The following ZNF610 variants were observed in gnomAD, a reference collection of about 807,000 sequenced individuals.
ZNF610 encodes zinc finger protein 610, also known as zink finger protein.
In ZNF610, 14 loss-of-function variants were observed where a neutral mutation model predicts 14.1. The ratio of observed to expected loss-of-function variants is 0.99; its 90% CI spans 0.65 to 1.55. The LOEUF (loss-of-function observed/expected upper bound fraction) is 1.55, where lower values mean the gene tolerates loss of function less well. Among genes scored for constraint, ZNF610 ranks in the 40% most tolerant of loss-of-function variants. The pLI, the probability that ZNF610 is intolerant of heterozygous loss-of-function variation, is 0.00. For synonymous variants in ZNF610, 185 were observed against 187.6 expected, an observed-to-expected ratio of 0.99 and a Z score of 0.11; for missense variants, 530 against 558.0, an observed-to-expected ratio of 0.95 and a Z score of 0.51.
intron 3 of ZNF610, among the ~76,000 whole-genome samples, chr19:52,352,864 A>C (rs1334521589): frequency 6.6e-6 from 1 of 151,710 alleles, no homozygotes; most frequent in East Asian, 1.9e-4. Context: ...TTCCAATTTC[A>C]TTCTTGGCCT....
intron 5 of ZNF610, 70 bp from the exon 6 acceptor site, chr19:52,365,628 C>A (rs1449475707): frequency 7.2e-7 from 1 of 1,389,184 alleles, no homozygotes; most frequent in Non-Finnish European, 9.8e-7. Flanking sequence ...GAGGCTGATT[C>A]TGGTCCCTCC....
At chr19:52,361,105 T>C (rs1169807661) in intron 5 of ZNF610, among the ~76,000 whole-genome samples, 2 of 152,200 alleles carry the variant, frequency 1.3e-5, no homozygotes, top group African/African-American at 4.8e-5. Flanking sequence ...TACTTCTTCA[T>C]GAGTAAGTCT....
intron 1 of ZNF610, among the ~76,000 whole-genome samples, chr19:52,339,717 C>T (rs547432739): frequency 5.0e-4 from 76 of 152,266 alleles, no homozygotes; most frequent in African/African-American, 1.7e-3. Context: ...TCTGATTTCT[C>T]TTTCTTATCC....
chr19:52,338,133 A>T (rs1366942454), intron 1 of ZNF610, among the ~76,000 whole-genome samples: 2 of 152,230 alleles, frequency 1.3e-5, no homozygotes, highest in African/African-American at 2.4e-5. Context: ...CTACAGGTTG[A>T]GAGCTCAGTT....
chr19:52,341,784 G>T (rs1038723305), intron 1 of ZNF610, among the ~76,000 whole-genome samples: 5 of 151,876 alleles, frequency 3.3e-5, no homozygotes, highest in African/African-American at 1.2e-4. Context: ...GCACCACTAT[G>T]CCTGGCTAAT....
Position 52,366,506 on chromosome 19 carries a change from A to G in ZNF610, c.1128A>G (p.Glu376=), listed in dbSNP as rs1986070175. ...HSTEKPYKCN[E]CGRAFHKRPG... is the part of the protein sequence containing the mutation. Reference sequence around the variant, plus strand: ...CAGAGAAGCCCTACAAATGTAACGAATGTGGAAGAGCATTTCACAAGCGTC... The same window carrying G: ...CAGAGAAGCCCTACAAATGTAACGAGTGTGGAAGAGCATTTCACAAGCGTC... The change falls in exon 6 of 6, where the codon GAA becomes GAG. Residue 376 remains glutamate (E), a synonymous_variant. Transcript: ENST00000403906. 2.5e-6 allele frequency: 4 copies of G among 1,614,230 alleles called. No homozygotes were observed. Among genetic ancestry groups the G allele is most frequent in the Non-Finnish European group, 3.4e-6 (4 of 1,180,042 alleles).
At chr19:52,336,603 T>TC (rs1984392177) in intron 1 of ZNF610, 97 bp downstream of exon 1, 1 of 154,750 alleles carries the variant, frequency 6.5e-6, no homozygotes, top group Non-Finnish European at 1.4e-5. Context: ...CAAGGTGGAT[T>TC]CCCGCCCGGG....
At position 52,353,793 on chromosome 19, in the gene ZNF610, A is replaced by C; in HGVS notation, c.175A>C (p.Asn59His). ...GGACGTGATGTTGGAGAACTACAGGAACCTGGTCTTTCTGGGTGAGGATGA... is the reference window on the plus strand; with the variant it reads ...GGACGTGATGTTGGAGAACTACAGGCACCTGGTCTTTCTGGGTGAGGATGA... ...YRDVMLENYR[N>H]LVFLGICLPD... The change falls in exon 4 of 6, where the codon AAC (asparagine) becomes CAC (histidine). Residue 59 changes from asparagine (N) to histidine (H), a missense_variant. By Grantham distance (68) the Asn-to-His change is moderately conservative (BLOSUM62 1). Transcript: ENST00000403906. The C allele has an allele frequency of 1.2e-6, 2 of 1,612,388 alleles. No individual in the cohort carries two copies. The highest frequency in any genetic ancestry group is 1.7e-6 in the Non-Finnish European group (2 of 1,179,496).
chr19:52,365,872 A>C lies in ZNF610; in HGVS notation c.494A>C (p.Gln165Pro). The part of the protein sequence containing the change: ...TNHRSSVSPL[Q>P]KISSSFTTHI... ...CATCGTTCCTCAGTTTCACCACTTC[A>C]AAAAATTTCTTCTAGTTTCACAACA... The change falls in exon 6 of 6, where the codon CAA becomes CCA. Residue 165 changes from glutamine to proline, a missense_variant. By Grantham distance (76) the Gln-to-Pro change is moderately conservative. Coordinates refer to ENST00000403906, the MANE Select transcript of ZNF610 (RefSeq NM_001161425.2). The C allele has an allele frequency of 6.2e-7, 1 of 1,613,302 alleles. No individual in the cohort carries two copies. The highest frequency in any genetic ancestry group is 8.5e-7 in the Non-Finnish European group (1 of 1,179,818).
At position 52,353,707 on chromosome 19, in the gene ZNF610, C is replaced by A; in HGVS notation, c.89C>A (p.Ala30Asp). Reference sequence around the variant, plus strand: ...GGACGCTTGACATTCATGGACGTGGCCATCGAATTCTCTCAGGAGGAGTGG... The same window carrying A: ...GGACGCTTGACATTCATGGACGTGGACATCGAATTCTCTCAGGAGGAGTGG... ...PQGRLTFMDV[A>D]IEFSQEEWKS... Residue 30 changes from alanine to aspartate, a missense_variant, in exon 4 of 6, where the codon GCC (alanine) becomes GAC (aspartate). Coordinates refer to ENST00000403906, the MANE Select transcript of ZNF610 (RefSeq NM_001161425.2). 1 of 1,613,734 alleles carries A rather than the reference C, an allele frequency of 6.2e-7. No individual in the cohort carries two copies. The highest frequency in any genetic ancestry group is 8.5e-7 in the Non-Finnish European group (1 of 1,179,850).
At chr19:52,363,649 C>T (rs1054157276) in intron 5 of ZNF610, among the ~76,000 whole-genome samples, 1 of 152,078 alleles carries the variant, frequency 6.6e-6, no homozygotes, top group African/African-American at 2.4e-5. Flanking sequence ...ATTGAGTAAA[C>T]GTCTGTTCTC....
At chr19:52,359,783 C>T (rs1485273518) in intron 5 of ZNF610, among the ~76,000 whole-genome samples, 1 of 152,110 alleles carries the variant, frequency 6.6e-6, no homozygotes, top group Non-Finnish European at 1.5e-5. Context: ...GTTGAGGGCT[C>T]AGTGTCAAAG....
chr19:52,334,384 G>GAAAATACAAAACT (rs71180442), upstream of ZNF610, among the ~76,000 whole-genome samples: 2 of 152,072 alleles, frequency 1.3e-5, no homozygotes, highest in Non-Finnish European at 2.9e-5. Context: ...ATGGTGGCAC[G>GAAAATACAAAACT]TGCCTGTAGT....
At chr19:52,338,704 G>GT (rs920987375) in intron 1 of ZNF610, among the ~76,000 whole-genome samples, 36 of 151,444 alleles carry the variant, frequency 2.4e-4, no homozygotes, top group Non-Finnish European at 3.8e-4. Context: ...TAGTAAACAT[G>GT]TTTTTTTTTC....
chr19:52,362,641 A>G (rs1416160735), intron 5 of ZNF610, among the ~76,000 whole-genome samples: 1 of 152,178 alleles, frequency 6.6e-6, no homozygotes, highest in African/African-American at 2.4e-5. Context: ...CTATCAAGAT[A>G]TTTTAAAAAT....
At chr19:52,354,688 C>T (rs1303446452) in intron 5 of ZNF610, among the ~76,000 whole-genome samples, 2 of 149,622 alleles carry the variant, frequency 1.3e-5, no homozygotes, top group South Asian at 2.1e-4. Flanking sequence ...AAGTGATTCT[C>T]GTGCCTCAGC....
At chr19:52,360,326 G>A (rs998981011) in intron 5 of ZNF610, among the ~76,000 whole-genome samples, 15 of 152,160 alleles carry the variant, frequency 9.9e-5, no homozygotes, top group Non-Finnish European at 1.5e-4. Context: ...TGTAGCAAAG[G>A]CTATGGGAGT....
chr19:52,366,611 C>T lies in ZNF610; in HGVS notation c.1233C>T (p.Arg411=), dbSNP rs1986083189. ...KCNECDKVFG[R]KLYLTNHQRI... ...ATGAATGTGACAAAGTCTTTGGGCG[C>T]AAATTATACCTAACCAACCATCAGA... The change falls in exon 6 of 6, where the codon CGC becomes CGT. Residue 411 remains arginine, a synonymous_variant. Transcript: ENST00000403906. The T allele has an allele frequency of 6.2e-7, 1 of 1,614,212 alleles. No homozygotes were observed. Among genetic ancestry groups the T allele is most frequent in the Non-Finnish European group, 8.5e-7 (1 of 1,180,042 alleles).
In ZNF610 at chr19:52,366,462, C is replaced by T. The variant is rs1986065997; in HGVS notation, c.1084C>T (p.His362Tyr). The T allele has an allele frequency of 1.2e-6, 2 of 1,614,182 alleles. No individual in the cohort carries two copies. Among genetic ancestry groups the T allele is most frequent in the South Asian group, 1.1e-5 (1 of 91,084 alleles). The change falls in exon 6 of 6, where the codon CAT becomes TAT. Residue 362 changes from histidine (H) to tyrosine (Y), a missense_variant. His to Tyr is a moderately conservative substitution (Grantham distance 83). Coordinates refer to ENST00000403906, the MANE Select transcript of ZNF610 (RefSeq NM_001161425.2). ...TAGTCTGCTTTCATACCTTGCACGG[C>T]ATCAAATAATTCATAGTACAGAGAA... ...VFSLLSYLAR[H>Y]QIIHSTEKPY...
Sources: gnomAD v4.1 joint callset for allele counts (sites outside exome capture counted in the v4.1 genomes callset) on GRCh38, gnomAD v4.1.1 for gene constraint, MANE v1.5 for transcripts, NCBI Gene and HGNC (gene_info 2026-07-23, HGNC 2026-07-21) for gene names.